GLDC: variants seen among roughly 807,000 people sequenced by gnomAD.
The protein encoded by GLDC is glycine dehydrogenase (decarboxylating), mitochondrial.
A neutral mutation model predicts 121.3 loss-of-function variants in GLDC; 104 were observed. The observed-to-expected ratio is 0.86, with a 90% confidence interval of 0.73 to 1.01. The LOEUF is 1.01. Among genes scored for constraint, GLDC ranks in the 50% least tolerant of loss-of-function variants. The pLI, the probability that GLDC is intolerant of heterozygous loss-of-function variation, is 0.00. For missense variants in GLDC, 1,429 were observed against 1,306.6 expected (o/e 1.09, Z -1.44); for synonymous variants, 546 against 480.6 (o/e 1.14, Z -1.78).
chr9:6,545,606 T>A (rs935032399), intron 21 of GLDC, among the ~76,000 whole-genome samples: 1 of 152,122 alleles, frequency 6.6e-6, no homozygotes, highest in African/African-American at 2.4e-5. Flanking sequence ...TTAAAAAAAC[T>A]TTTTTCTTCA....
rs551689639 is a variant in GLDC at position 6,570,311 on chromosome 9, T to G, written c.1851-4882A>C. 3.0e-4 allele frequency among the ~76,000 whole-genome samples: 46 copies of G among 152,376 alleles called. No homozygotes were observed. The South Asian group carries it at 9.5e-3, about 32-fold the overall frequency. On this transcript the variant is annotated intron_variant, in intron 15 of 24. Coordinates refer to ENST00000321612, the MANE Select transcript of GLDC (RefSeq NM_000170.3). ...TAAGAAAAGACCACGCTGTGGATTC[T>G]AAAGTTTTAAAAATTATAGTACCAA...
rs568207484 is a variant in GLDC at position 6,636,317 on chromosome 9, A to C, written c.334+8297T>G. Among the ~76,000 whole-genome samples, 13 of 151,900 alleles carry C rather than the reference A, an allele frequency of 8.6e-5. No individual in the cohort carries two copies. In the East Asian group the frequency reaches 2.1e-3, roughly 25 times the overall value. Reference sequence around the variant, plus strand: ...AGACTCCGTCTCAAAAAAAAAAAAAACACTTTGGGTGATAATGATGCATTA... The same window carrying C: ...AGACTCCGTCTCAAAAAAAAAAAAACCACTTTGGGTGATAATGATGCATTA... On this transcript the variant is annotated intron_variant, in intron 2 of 24. Coordinates refer to ENST00000321612, the MANE Select transcript of GLDC (RefSeq NM_000170.3).
At chr9:6,635,171 C>G (rs1819474814) in intron 2 of GLDC, among the ~76,000 whole-genome samples, 1 of 152,182 alleles carries the variant, frequency 6.6e-6, no homozygotes, top group South Asian at 2.1e-4. Flanking sequence ...TAAGTTATAA[C>G]CTATAGCTGG....
At position 6,602,121 on chromosome 9, in the gene GLDC, G is replaced by T. The variant is rs755376052; in HGVS notation, c.1143C>A (p.Ile381=). 88 of 1,604,186 alleles carry T rather than the reference G, an allele frequency of 5.5e-5. No homozygotes were observed. Among genetic ancestry groups the T allele is most frequent in the Non-Finnish European group, 7.0e-5 (82 of 1,171,068 alleles). The change falls in exon 8 of 25, where the codon ATC becomes ATA. Residue 381 remains isoleucine, a synonymous_variant. Transcript: ENST00000321612. ...HIRRDKATSN[I]CTAQALLANM... ...ACGTGTGATTTACCTGAGCTGTACA[G>T]ATGTTGCTGGTAGCCTTGTCTCTCC...
intron 2 of GLDC, among the ~76,000 whole-genome samples, chr9:6,637,310 C>T (rs10115774): frequency 0.2 from 30,052 of 150,910 alleles, 3,035 homozygotes; most frequent in South Asian, 0.3. Context: ...GAGGCAGAGG[C>T]AGGAGAATCA....
chr9:6,596,828 T>C (rs1818501922), intron 8 of GLDC, among the ~76,000 whole-genome samples: 2 of 152,214 alleles, frequency 1.3e-5, no homozygotes, highest in Non-Finnish European at 2.9e-5. Context: ...GAAAAATGTC[T>C]GGAAGTTCCT....
At chr9:6,565,567 C>G in intron 15 of GLDC, 138 bp from the exon 16 acceptor site, 1 of 743,072 alleles carries the variant, frequency 1.3e-6, no homozygotes, top group African/African-American at 1.7e-5. Flanking sequence ...AGAAGCTCAT[C>G]AAGGAGCTCT....
chr9:6,642,031 A>G (rs1269297346), intron 2 of GLDC, among the ~76,000 whole-genome samples: 2 of 152,240 alleles, frequency 1.3e-5, no homozygotes, highest in East Asian at 3.9e-4. Context: ...ACACGTGCAC[A>G]CCTCAGAGTC....
chr9:6,602,245 A>C (rs1051592239), intron 7 of GLDC, 40 bp from the exon 8 acceptor site: 1 of 1,164,166 alleles, frequency 8.6e-7, no homozygotes, highest in Non-Finnish European at 1.3e-6. Context: ...ACAGATAATC[A>C]CAGCACTGGG....
In GLDC at chr9:6,546,964, AAATAAT is replaced by A. The variant is rs5896159; in HGVS notation, c.2569+3833_2569+3838del. Among the ~76,000 whole-genome samples the A allele has an allele frequency of 5.9e-5, 9 of 151,402 alleles. No homozygotes were observed. The South Asian group carries it at 1.7e-3, about 28-fold the overall frequency. The stretch of plus-strand genomic sequence containing the variant: ...GTGACCAAGCGAGACTCTGTCTCAA[AAATAAT>A]AATAATAATAATAATAATGATAAGA... On this transcript the variant is annotated intron_variant, in intron 21 of 24. Coordinates refer to ENST00000321612, the MANE Select transcript of GLDC (RefSeq NM_000170.3).
chr9:6,588,048 G>A (rs1366330395), intron 14 of GLDC, among the ~76,000 whole-genome samples: 1 of 124,842 alleles, frequency 8.0e-6, no homozygotes, highest in East Asian at 2.5e-4. Flanking sequence ...CTTAAGGTTC[G>A]TAATTCTACC....
intron 15 of GLDC, chr9:6,565,733 T>A (rs1817843017): frequency 8.7e-6 from 5 of 577,596 alleles, no homozygotes; most frequent in Non-Finnish European, 1.5e-5. Context: ...ATGAAAAATT[T>A]CAAAACTATA....
chr9:6,642,499 C>G (rs1819649766), intron 2 of GLDC, among the ~76,000 whole-genome samples: 1 of 152,020 alleles, frequency 6.6e-6, no homozygotes. Flanking sequence ...CCACTGCACT[C>G]CAGCCTGGGC....
intron 3 of GLDC, among the ~76,000 whole-genome samples, chr9:6,612,381 G>A (rs1162048248): frequency 3.9e-5 from 6 of 151,996 alleles, no homozygotes; most frequent in African/African-American, 9.7e-5. Flanking sequence ...CCCTGTCAAA[G>A]ATAAGAAGAT....
chr9:6,600,362 A>G (rs1350395410), intron 8 of GLDC, among the ~76,000 whole-genome samples: 2 of 151,342 alleles, frequency 1.3e-5, no homozygotes, highest in Non-Finnish European at 2.9e-5. Context: ...ACAACAGAGC[A>G]AGAATCTGTC....
intron 15 of GLDC, 105 bp downstream of exon 15, chr9:6,587,036 G>C (rs1818284964): frequency 4.3e-6 from 4 of 929,624 alleles, no homozygotes; most frequent in East Asian, 4.8e-5. Flanking sequence ...TGTCTAGCAA[G>C]TCACAGAATA....
At chr9:6,640,869 T>C (rs895316347) in intron 2 of GLDC, among the ~76,000 whole-genome samples, 1 of 152,134 alleles carries the variant, frequency 6.6e-6, no homozygotes, top group Non-Finnish European at 1.5e-5. Flanking sequence ...ATTCCAAAAC[T>C]GCAAAGTAAT....
chr9:6,587,964 C>T (rs777226999), intron 14 of GLDC, among the ~76,000 whole-genome samples: 134 of 152,184 alleles, frequency 8.8e-4, no homozygotes, highest in Non-Finnish European at 1.1e-3. Context: ...CCAACCACAA[C>T]AGCGAGTTGC....
intron 16 of GLDC, among the ~76,000 whole-genome samples, chr9:6,560,364 G>T (rs1301973236): frequency 6.6e-6 from 1 of 152,210 alleles, no homozygotes; most frequent in Non-Finnish European, 1.5e-5. Context: ...ATTAGCCAAA[G>T]GCAAACATGA....
Sources: gnomAD v4.1 joint callset for allele counts (sites outside exome capture counted in the v4.1 genomes callset) on GRCh38, gnomAD v4.1.1 for gene constraint, MANE v1.5 for transcripts, NCBI Gene and HGNC (gene_info 2026-07-23, HGNC 2026-07-21) for gene names.